Variants in COL23A1 observed in about 807,000 individuals in gnomAD.
COL23A1 encodes collagen alpha-1(XXIII) chain.
Under a neutral mutation model 99.3 loss-of-function variants are expected in COL23A1, and 97 were observed. The observed-to-expected ratio is 0.98, with a 90% CI of 0.83 to 1.16. The LOEUF (loss-of-function observed/expected upper bound fraction) is 1.16. COL23A1 is among the 50% of genes most tolerant of loss of function. COL23A1 has a pLI of 0.00. For synonymous variants in COL23A1, 320 were observed against 308.2 expected, an observed-to-expected ratio of 1.04 and a Z score of -0.40; for missense variants, 762 against 757.4, an observed-to-expected ratio of 1.01 and a Z score of -0.07.
At chr5:178,408,972 A>AT (rs1294205691) in intron 2 of COL23A1, among the ~76,000 whole-genome samples, 20 of 77,708 alleles carry the variant, frequency 2.6e-4, no homozygotes, top group East Asian at 2.2e-3. Flanking sequence ...AAAAAAAAAA[A>AT]AATACACACA....
chr5:178,247,567 A>G lies in COL23A1; in HGVS notation c.1270-15T>C, dbSNP rs779625239. Reference sequence around the variant, plus strand: ...CCCTGGAGGCCCTGCAGGAGGAGGAAGCAGATAAGAAGGCTGGCTCCGGAC... The same window carrying G: ...CCCTGGAGGCCCTGCAGGAGGAGGAGGCAGATAAGAAGGCTGGCTCCGGAC... On this transcript the variant is annotated splice_polypyrimidine_tract_variant and intron_variant, in intron 21 of 28. Transcript: ENST00000390654. 6.2e-7 allele frequency: 1 copy of G among 1,613,750 alleles called. No homozygotes were observed. The highest frequency in any genetic ancestry group is 1.3e-5 in the African/African-American group (1 of 74,896).
intron 5 of COL23A1, among the ~76,000 whole-genome samples, chr5:178,278,626 A>C (rs923172295): frequency 1.3e-5 from 2 of 151,854 alleles, no homozygotes; most frequent in Admixed American, 6.6e-5. Flanking sequence ...GCTCAGGTCC[A>C]TCTCTCCAGT....
At chr5:178,585,747 C>T (rs78236748) in intron 1 of COL23A1, among the ~76,000 whole-genome samples, 193 of 4,966 alleles carry the variant, frequency 0.039, 29 homozygotes, top group African/African-American at 0.11. Flanking sequence ...CCTGGCTGAC[C>T]CTGTTGGTTG....
chr5:178,557,587 T>G (rs1158744242), intron 2 of COL23A1, among the ~76,000 whole-genome samples: 3 of 152,170 alleles, frequency 2.0e-5, no homozygotes, highest in Non-Finnish European at 4.4e-5. Flanking sequence ...CTTATCTGCC[T>G]GCTGCATGCT....
At chr5:178,440,366 C>A (rs965947873) in intron 2 of COL23A1, among the ~76,000 whole-genome samples, 3 of 152,154 alleles carry the variant, frequency 2.0e-5, no homozygotes, top group African/African-American at 4.8e-5. Context: ...AGCTTCTCCA[C>A]CGCAAGCTCC....
chr5:178,360,253 G>A (rs1007638549), intron 2 of COL23A1, among the ~76,000 whole-genome samples: 6 of 152,100 alleles, frequency 3.9e-5, no homozygotes, highest in South Asian at 4.2e-4. Context: ...TCTCAGTTGC[G>A]AAAACCTAGT....
rs571925892 is a variant in COL23A1, at chr5:178,458,388, T to A, written c.361+102294A>T. Among the ~76,000 whole-genome samples the A allele has an allele frequency of 4.6e-5, 7 of 152,250 alleles. No homozygotes were observed. In the East Asian group the frequency reaches 1.2e-3, roughly 25 times the overall value. ...CGGGCACGGTGGCTCATGCCTGTAA[T>A]CCCAGTACTTTGGGAGGCCGGGTGG... On this transcript the variant is annotated intron_variant, in intron 2 of 28. Coordinates refer to ENST00000390654, the MANE Select transcript of COL23A1 (RefSeq NM_173465.4).
intron 2 of COL23A1, among the ~76,000 whole-genome samples, chr5:178,357,003 C>G (rs1192383016): frequency 6.6e-6 from 1 of 152,236 alleles, no homozygotes; most frequent in Non-Finnish European, 1.5e-5. Context: ...GTTAGGCTGG[C>G]CTTTTCCAAA....
At chr5:178,405,895 G>C (rs1384533575) in intron 2 of COL23A1, among the ~76,000 whole-genome samples, 1 of 152,234 alleles carries the variant, frequency 6.6e-6, no homozygotes, top group African/African-American at 2.4e-5. Context: ...TTGAGGTCAG[G>C]AGTTAGAGAT....
Position 178,468,125 on chromosome 5 carries a change from T to A in COL23A1, c.361+92557A>T, listed in dbSNP as rs557263979. On this transcript the variant is annotated intron_variant, in intron 2 of 28. Transcript: ENST00000390654. This position sits in a 1 kb window ranked among gnomAD's most constrained non-coding sequence, Gnocchi z 4.2. ...CATAGCTGGAAAAGATGGTGAGAAA[T>A]CTGAGTGCCAGAAAGAGAGCGCCGG... Among the ~76,000 whole-genome samples, 93 of 152,192 alleles carry A rather than the reference T, an allele frequency of 6.1e-4. No individual in the cohort carries two copies. Among genetic ancestry groups the A allele is most frequent in the African/African-American group, 2.1e-3 (89 of 41,484 alleles).
At chr5:178,390,032 G>C (rs1763883827) in intron 2 of COL23A1, among the ~76,000 whole-genome samples, 1 of 152,200 alleles carries the variant, frequency 6.6e-6, no homozygotes, top group Non-Finnish European at 1.5e-5. Flanking sequence ...AATGTGCTCA[G>C]GACGGATCTG....
rs1285977129 is a variant in COL23A1 at position 178,434,882 on chromosome 5, TTCTG to T, written c.361+125796_361+125799del. Among the ~76,000 whole-genome samples the T allele has an allele frequency of 3.3e-5, 5 of 152,202 alleles. No individual in the cohort carries two copies. The East Asian group carries it at 7.7e-4, about 23-fold the overall frequency. ...CCGCTGCAGGAAGGCAGGCATCCAC[TTCTG>T]AACCCTCGGTCTCAGCCCTTGCAGG... On this transcript the variant is annotated intron_variant, in intron 2 of 28. Coordinates refer to ENST00000390654, the MANE Select transcript of COL23A1 (RefSeq NM_173465.4). This position sits in a 1 kb window ranked among gnomAD's most constrained non-coding sequence, Gnocchi z 4.3.
At chr5:178,523,163 C>CAT (rs70997608) in intron 2 of COL23A1, among the ~76,000 whole-genome samples, 1,771 of 95,364 alleles carry the variant, frequency 0.019, 40 homozygotes, top group African/African-American at 0.043. Flanking sequence ...TATATATATA[C>CAT]ATATATATAT....
At chr5:178,397,645 A>G (rs1764223340) in intron 2 of COL23A1, among the ~76,000 whole-genome samples, 1 of 152,222 alleles carries the variant, frequency 6.6e-6, no homozygotes, top group Non-Finnish European at 1.5e-5. Flanking sequence ...TGTGCCTGTA[A>G]TAATGTGATG....
In COL23A1 at chr5:178,242,052, G is replaced by C; in HGVS notation, c.1571C>G (p.Pro524Arg). 6.4e-7 allele frequency: 1 copy of C among 1,554,406 alleles called. No homozygotes were observed. The highest frequency in any genetic ancestry group is 8.7e-7 in the Non-Finnish European group (1 of 1,148,364). Residue 524 changes from proline to arginine, a missense_variant, in exon 27 of 29, where the codon CCG becomes CGG. Coordinates refer to ENST00000390654, the MANE Select transcript of COL23A1 (RefSeq NM_173465.4). ...GEPGPPGLDQPCPVGPDGLPV... is the reference protein window; with the variant it reads ...GEPGPPGLDQRCPVGPDGLPV... ...TCCTCCGACACCTACCACGGGACACGGCTGGTCCAGGCCTGGTGGTCCCGG... is the reference window on the plus strand; with the variant it reads ...TCCTCCGACACCTACCACGGGACACCGCTGGTCCAGGCCTGGTGGTCCCGG...
At chr5:178,286,384 T>A (rs2973769) in intron 5 of COL23A1, among the ~76,000 whole-genome samples, 142,954 of 152,212 alleles carry the variant, frequency 0.94, 67,272 homozygotes, top group Non-Finnish European at 0.98. Flanking sequence ...ACACACATCC[T>A]TCTCTCCGTT....
chr5:178,491,484 A>G (rs890778568), intron 2 of COL23A1, among the ~76,000 whole-genome samples: 1 of 152,082 alleles, frequency 6.6e-6, no homozygotes, highest in Non-Finnish European at 1.5e-5. Flanking sequence ...CCCACTGCCT[A>G]CAGACAACGG....
At chr5:178,298,556 C>T (rs1757870241) in intron 3 of COL23A1, among the ~76,000 whole-genome samples, 1 of 152,160 alleles carries the variant, frequency 6.6e-6, no homozygotes, top group African/African-American at 2.4e-5. Flanking sequence ...CTCACAGCCC[C>T]ACACCTGCTC....
intron 22 of COL23A1, among the ~76,000 whole-genome samples, chr5:178,246,907 C>T (rs1044867572): frequency 3.3e-5 from 5 of 152,290 alleles, no homozygotes; most frequent in Admixed American, 2.6e-4. Context: ...GCTGCAGGCT[C>T]GGGCCTGGGC....
Sources: gnomAD v4.1 joint callset for allele counts (sites outside exome capture counted in the v4.1 genomes callset) on GRCh38, gnomAD v4.1.1 for gene constraint, Gnocchi (gnomAD v3.1) non-coding constraint, MANE v1.5 for transcripts, NCBI Gene and HGNC (gene_info 2026-07-23, HGNC 2026-07-21) for gene names.